The following MYOM2 variants were observed in gnomAD, a reference collection of about 807,000 sequenced individuals.
MYOM2 encodes myomesin-2.
In MYOM2, 254 loss-of-function variants were observed where a neutral mutation model predicts 187.6. The ratio of observed to expected loss-of-function variants is 1.35; its 90% CI spans 1.22 to 1.50. The LOEUF is 1.50. Ranked by LOEUF, MYOM2 falls within the 40% of genes most tolerant of loss-of-function variation. MYOM2 has a pLI of 0.00. For missense variants in MYOM2, 2,796 were observed against 1,924.0 expected, an observed-to-expected ratio of 1.45 and a Z score of -8.48; for synonymous variants, 981 against 753.8, an observed-to-expected ratio of 1.30 and a Z score of -4.94.
chr8:2,097,465 C>A (rs911537270), intron 18 of MYOM2, among the ~76,000 whole-genome samples: 8 of 152,002 alleles, frequency 5.3e-5, no homozygotes, highest in African/African-American at 1.7e-4. Flanking sequence ...CCATTGCCTC[C>A]CAGTACTTAC....
intron 15 of MYOM2, among the ~76,000 whole-genome samples, chr8:2,090,885 G>A (rs1004399030): frequency 6.6e-6 from 1 of 152,132 alleles, no homozygotes; most frequent in Non-Finnish European, 1.5e-5. Flanking sequence ...CATTTGGGTT[G>A]ATTCCATGTC....
intron 3 of MYOM2, among the ~76,000 whole-genome samples, chr8:2,053,866 C>G (rs1313712229): frequency 6.6e-6 from 1 of 152,224 alleles, no homozygotes; most frequent in Non-Finnish European, 1.5e-5. Flanking sequence ...TTCTCCTAAC[C>G]CATGTGCATG....
At chr8:2,064,018 G>A (rs904706267) in intron 6 of MYOM2, among the ~76,000 whole-genome samples, 3 of 152,198 alleles carry the variant, frequency 2.0e-5, no homozygotes, top group East Asian at 1.9e-4. Context: ...GTGGGGCCTC[G>A]GGAAGGGGAG....
At chr8:2,122,468 C>T (rs74582140) in intron 28 of MYOM2, among the ~76,000 whole-genome samples, 2,004 of 152,286 alleles carry the variant, frequency 0.013, 44 homozygotes, top group African/African-American at 0.045. Flanking sequence ...TTTCCCATAG[C>T]GGATGTGGAA....
At chr8:2,085,186 C>T in intron 13 of MYOM2, 77 bp from the exon 14 acceptor site, 2 of 1,545,880 alleles carry the variant, frequency 1.3e-6, no homozygotes, top group South Asian at 1.2e-5. Flanking sequence ...GTGGCAGAGT[C>T]CTCCAGTGCC....
chr8:2,049,581 G>C (rs973460948), intron 1 of MYOM2, among the ~76,000 whole-genome samples: 2 of 152,196 alleles, frequency 1.3e-5, no homozygotes, highest in South Asian at 2.1e-4. Context: ...GATGTGGGTG[G>C]CACCCCTGGG....
chr8:2,070,174 T>C (rs1819164793), intron 8 of MYOM2, among the ~76,000 whole-genome samples: 1 of 152,208 alleles, frequency 6.6e-6, no homozygotes, highest in Non-Finnish European at 1.5e-5. Context: ...TGGATGCCCT[T>C]TCGAGGCAGC....
In MYOM2 at chr8:2,057,739, C is replaced by G. The variant is rs1818718876; in HGVS notation, c.519C>G (p.Leu173=). 3 of 1,614,020 alleles carry G rather than the reference C, an allele frequency of 1.9e-6. No homozygotes were observed. The highest frequency in any genetic ancestry group is 1.1e-5 in the South Asian group (1 of 91,090). ...HTVWERMSVK[L]CFTVQGFPTP... is the part of the protein sequence containing the mutation. Reference sequence around the variant, plus strand: ...TCTGGGAGAGGATGTCTGTGAAACTCTGCTTCACCGTGCAAGGATTTCCCA... The same window carrying G: ...TCTGGGAGAGGATGTCTGTGAAACTGTGCTTCACCGTGCAAGGATTTCCCA... The change falls in exon 5 of 37, where the codon CTC becomes CTG. Residue 173 remains leucine, a synonymous_variant. Coordinates refer to ENST00000262113, the MANE Select transcript of MYOM2 (RefSeq NM_003970.4).
chr8:2,120,178 G>A (rs1797378005), intron 28 of MYOM2, among the ~76,000 whole-genome samples: 1 of 152,130 alleles, frequency 6.6e-6, no homozygotes. Flanking sequence ...GTGTGAGTCA[G>A]GGGACAGACT....
chr8:2,082,607 C>G (rs1420058053), intron 13 of MYOM2, among the ~76,000 whole-genome samples: 2 of 152,192 alleles, frequency 1.3e-5, no homozygotes, highest in Admixed American at 6.5e-5. Flanking sequence ...ACCATCAACC[C>G]AACTTGCCCA....
intron 19 of MYOM2, among the ~76,000 whole-genome samples, chr8:2,099,314 C>G (rs2116767721): frequency 6.6e-6 from 1 of 152,260 alleles, no homozygotes; most frequent in Non-Finnish European, 1.5e-5. Context: ...CGGATTTGGC[C>G]CAGGTCACCT....
chr8:2,104,398 C>T (rs578067252), intron 21 of MYOM2, among the ~76,000 whole-genome samples: 17 of 151,896 alleles, frequency 1.1e-4, no homozygotes, highest in South Asian at 8.3e-4. Context: ...GTCAGGAGAT[C>T]GAGACCATCC....
At chr8:2,049,682 G>C (rs754594110) in intron 1 of MYOM2, among the ~76,000 whole-genome samples, 4 of 152,190 alleles carry the variant, frequency 2.6e-5, no homozygotes, top group African/African-American at 7.2e-5. Context: ...TGGAGCTCAG[G>C]TTGTGAGTCC....
At chr8:2,078,279 C>G (rs993970175) in intron 11 of MYOM2, among the ~76,000 whole-genome samples, 2 of 152,174 alleles carry the variant, frequency 1.3e-5, no homozygotes, top group Non-Finnish European at 2.9e-5. Flanking sequence ...CCCTTGGTCT[C>G]ACAGAGTGGG....
intron 2 of MYOM2, among the ~76,000 whole-genome samples, chr8:2,051,542 A>G (rs979954280): frequency 3.9e-5 from 6 of 152,216 alleles, no homozygotes; most frequent in African/African-American, 1.4e-4. Flanking sequence ...CCCACACCCT[A>G]TGTTTAGAAA....
At chr8:2,093,906 C>G (rs1393350802) in intron 16 of MYOM2, 64 bp from the exon 17 acceptor site, 11 of 1,576,268 alleles carry the variant, frequency 7.0e-6, no homozygotes, top group African/African-American at 6.8e-5. Flanking sequence ...GTGATTTTTG[C>G]TTCTGCTGCA....
At chr8:2,071,064 C>A (rs1819197507) in intron 8 of MYOM2, among the ~76,000 whole-genome samples, 1 of 152,134 alleles carries the variant, frequency 6.6e-6, no homozygotes, top group Non-Finnish European at 1.5e-5. Flanking sequence ...ATCTCCCTGG[C>A]TCAAGGAATC....
intron 13 of MYOM2, among the ~76,000 whole-genome samples, chr8:2,083,712 C>T (rs905977011): frequency 6.6e-6 from 1 of 152,200 alleles, no homozygotes; most frequent in African/African-American, 2.4e-5. Flanking sequence ...CCCTTTTGAA[C>T]CCTTTTCTCC....
chr8:2,144,642 C>T (rs886653576), intron 36 of MYOM2, 22 bp from the exon 37 acceptor site: 2 of 1,610,282 alleles, frequency 1.2e-6, no homozygotes, highest in Non-Finnish European at 1.7e-6. Context: ...CTTCCTTCTC[C>T]ACCAACCTCT....
Sources: allele counts gnomAD v4.1 joint callset (sites outside exome capture counted in the v4.1 genomes callset), GRCh38; gene constraint gnomAD v4.1.1; transcripts MANE v1.5; gene names NCBI Gene and HGNC (gene_info 2026-07-23, HGNC 2026-07-21).